The following CA10 variants were observed in gnomAD, a reference collection of about 807,000 sequenced individuals.
The protein encoded by CA10 is carbonic anhydrase 10 (inactive).
CA10 carries 14 observed loss-of-function variants against 44.2 expected under a neutral mutation model. That is an observed-to-expected ratio of 0.32 (90% confidence interval 0.21 to 0.50). The LOEUF (loss-of-function observed/expected upper bound fraction) is 0.50. Among genes scored for constraint, CA10 ranks in the 20% least tolerant of loss-of-function variants. The pLI, the probability that CA10 is intolerant of heterozygous loss-of-function variation, is 0.99. For missense variants in CA10, 350 were observed against 409.7 expected (o/e 0.85, Z 1.26); for synonymous variants, 159 against 141.6 (o/e 1.12, Z -0.87).
At chr17:51,887,055 A>C (rs759314789) in intron 3 of CA10, among the ~76,000 whole-genome samples, 2 of 152,148 alleles carry the variant, frequency 1.3e-5, no homozygotes, top group Non-Finnish European at 2.9e-5. Flanking sequence ...CAGATAATGA[A>C]AATTCTTGGC....
At chr17:52,081,047 T>A (rs1283015290) in intron 1 of CA10, among the ~76,000 whole-genome samples, 1 of 152,126 alleles carries the variant, frequency 6.6e-6, no homozygotes, top group Admixed American at 6.5e-5. Context: ...GGCAAAACCA[T>A]TAACAGCAAA....
Position 52,067,080 on chromosome 17 carries a change from A to G in CA10, c.136+5239T>C, listed in dbSNP as rs558070148. The stretch of plus-strand genomic sequence containing the variant: ...ATTCAAGCTGGCTGCAGAGATTTGC[A>G]TAAGGAGCCAAATTTTAATAGCCAA... On this transcript the variant is annotated intron_variant, in intron 2 of 8. Coordinates refer to ENST00000451037, the MANE Select transcript of CA10 (RefSeq NM_020178.5). Among the ~76,000 whole-genome samples the G allele has an allele frequency of 1.2e-3, 178 of 152,382 alleles. 1 individual carries two copies. The highest frequency in any genetic ancestry group is 4.0e-3 in the African/African-American group (166 of 41,594).
chr17:51,808,071 A>G (rs1170746355), intron 3 of CA10, among the ~76,000 whole-genome samples: 1 of 152,242 alleles, frequency 6.6e-6, no homozygotes, highest in Non-Finnish European at 1.5e-5. Context: ...TACAGATCTG[A>G]GAGGTAAGAC....
At chr17:51,838,222 C>T (rs1431137602) in intron 3 of CA10, among the ~76,000 whole-genome samples, 6 of 152,216 alleles carry the variant, frequency 3.9e-5, no homozygotes, top group African/African-American at 1.2e-4. Context: ...AGACTGAAAT[C>T]AAGATTCCTG....
intron 3 of CA10, among the ~76,000 whole-genome samples, chr17:51,758,861 C>G (rs978835739): frequency 6.6e-6 from 1 of 152,168 alleles, no homozygotes; most frequent in African/African-American, 2.4e-5. Context: ...TTCCCATTTT[C>G]CAGTAAGAGG....
At chr17:51,647,450 G>A (rs929066532) in intron 6 of CA10, among the ~76,000 whole-genome samples, 2 of 151,608 alleles carry the variant, frequency 1.3e-5, no homozygotes, top group African/African-American at 4.8e-5. Context: ...CCTTCCATCT[G>A]TCTTTTCCTT....
chr17:51,940,799 C>T (rs1442656722), intron 2 of CA10, among the ~76,000 whole-genome samples: 1 of 152,020 alleles, frequency 6.6e-6, no homozygotes, highest in Non-Finnish European at 1.5e-5. Context: ...TAACCTGGTG[C>T]CCTGACTTAA....
intron 2 of CA10, among the ~76,000 whole-genome samples, chr17:51,943,754 G>A (rs1983172281): frequency 6.6e-6 from 1 of 152,130 alleles, no homozygotes; most frequent in African/African-American, 2.4e-5. Flanking sequence ...TTGTCCATAG[G>A]TCATGATAAT....
At chr17:51,653,186 G>A (rs1345825748) in intron 5 of CA10, among the ~76,000 whole-genome samples, 1 of 152,150 alleles carries the variant, frequency 6.6e-6, no homozygotes, top group Non-Finnish European at 1.5e-5. Flanking sequence ...GCAATTGTGA[G>A]GAAGCTGGAA....
intron 3 of CA10, among the ~76,000 whole-genome samples, chr17:51,825,009 TTTTC>T (rs1175103369): frequency 6.6e-6 from 1 of 152,348 alleles, no homozygotes; most frequent in African/African-American, 2.4e-5. Context: ...TTTTGTTGCA[TTTTC>T]TTTATTATTT....
At chr17:51,690,644 C>G (rs945475959) in intron 4 of CA10, among the ~76,000 whole-genome samples, 9 of 152,190 alleles carry the variant, frequency 5.9e-5, no homozygotes, top group Non-Finnish European at 8.8e-5. Flanking sequence ...TGCACATGCT[C>G]TCTTGCCTGC....
chr17:51,740,237 A>G (rs1310666052), intron 4 of CA10, among the ~76,000 whole-genome samples: 1 of 152,120 alleles, frequency 6.6e-6, no homozygotes, highest in African/African-American at 2.4e-5. Context: ...AAAAACTACA[A>G]CATACTCTGT....
intron 3 of CA10, among the ~76,000 whole-genome samples, chr17:51,752,360 C>G (rs984180148): frequency 6.6e-6 from 1 of 151,836 alleles, no homozygotes; most frequent in Non-Finnish European, 1.5e-5. Flanking sequence ...GGAAACAAAA[C>G]AGAATGGAGA....
Position 51,931,031 on chromosome 17 carries a change from G to C in CA10, c.238C>G (p.Pro80Ala). ...TTGATGCGAAGAGGTGTCAGAAAGGGGTCGAAGATCATGTGACTGGTCTCT... is the reference window on the plus strand; with the variant it reads ...TTGATGCGAAGAGGTGTCAGAAAGGCGTCGAAGATCATGTGACTGGTCTCT... Reference protein sequence around the residue: ...NIETSHMIFDPFLTPLRINTG... With the variant: ...NIETSHMIFDAFLTPLRINTG... The change falls in exon 3 of 9, where the codon CCC (proline) becomes GCC (alanine). Residue 80 changes from proline (P) to alanine (A), a missense_variant. Pro to Ala is a conservative substitution (Grantham distance 27). Coordinates refer to ENST00000451037, the MANE Select transcript of CA10 (RefSeq NM_020178.5). The C allele has an allele frequency of 6.2e-7, 1 of 1,613,526 alleles. No homozygotes were observed. The highest frequency in any genetic ancestry group is 8.5e-7 in the Non-Finnish European group (1 of 1,179,644).
At chr17:52,128,793 C>G (rs978439123) in intron 1 of CA10, among the ~76,000 whole-genome samples, 1 of 152,122 alleles carries the variant, frequency 6.6e-6, no homozygotes, top group Non-Finnish European at 1.5e-5. Flanking sequence ...TTTGGGCATG[C>G]CTTTATTCTG....
At chr17:52,106,518 G>A (rs1489378033) in intron 1 of CA10, among the ~76,000 whole-genome samples, 1 of 152,170 alleles carries the variant, frequency 6.6e-6, no homozygotes, top group East Asian at 1.9e-4. Context: ...AATGCTATAA[G>A]TGCTACAAAA....
chr17:52,064,203 T>C (rs1338482161), intron 2 of CA10, among the ~76,000 whole-genome samples: 2 of 152,158 alleles, frequency 1.3e-5, no homozygotes, highest in African/African-American at 4.8e-5. Flanking sequence ...TGGAATTGAA[T>C]TCTGCCAAGG....
Position 52,084,797 on chromosome 17 carries a change from T to A in CA10, c.62-12404A>T, listed in dbSNP as rs2143187139. On this transcript the variant is annotated intron_variant, in intron 1 of 8. Transcript: ENST00000451037. ...GGAAAACTCTGGTTTTAGTAAGACA[T>A]CACAGAATACAGACTATATTAGCCA... 2.3e-5 allele frequency among the ~76,000 whole-genome samples: 3 copies of A among 130,980 alleles called. No homozygotes were observed. In the South Asian group the frequency reaches 7.1e-4, roughly 31 times the overall value. 85.9% of individuals were successfully genotyped at this position (130,980 alleles called of 152,430 possible). A position where few individuals can be genotyped will look rare whatever the true frequency, so the allele number is the denominator to read the frequency against.
intron 3 of CA10, among the ~76,000 whole-genome samples, chr17:51,836,061 T>C (rs562469286): frequency 1.3e-5 from 2 of 151,954 alleles, no homozygotes; most frequent in Non-Finnish European, 2.9e-5. Flanking sequence ...GAAAAAAAAA[T>C]TAAATAGGAT....
Sources: gnomAD v4.1 joint callset for allele counts (sites outside exome capture counted in the v4.1 genomes callset) on GRCh38, gnomAD v4.1.1 for gene constraint, MANE v1.5 for transcripts, NCBI Gene and HGNC (gene_info 2026-07-23, HGNC 2026-07-21) for gene names.